PHKA2: variants seen among roughly 807,000 people sequenced by gnomAD.
The protein encoded by PHKA2 is phosphorylase b kinase regulatory subunit alpha, liver isoform.
In PHKA2, 31 loss-of-function variants were observed where a neutral mutation model predicts 102.0. The observed-to-expected ratio is 0.30, with a 90% CI of 0.23 to 0.41. PHKA2 has a LOEUF of 0.41. PHKA2 is among the 10% of genes least tolerant of loss of function. The pLI, the probability that PHKA2 is intolerant of heterozygous loss-of-function variation, is 1.00. For synonymous variants in PHKA2, 455 were observed against 416.2 expected (o/e 1.09, Z -1.13); for missense variants, 858 against 1,023.1 (o/e 0.84, Z 2.20).
At chrX:18,976,906 A>G (rs1438194983) in intron 1 of PHKA2, among the ~76,000 whole-genome samples, 1 of 112,249 alleles carries the variant, frequency 8.9e-6, no homozygotes, top group Non-Finnish European at 1.9e-5. Context: ...TTTATAGTAC[A>G]TTAATTGCTG....
chrX:18,952,225 C>T (rs1485219970), intron 3 of PHKA2, among the ~76,000 whole-genome samples: 1 of 85,830 alleles, frequency 1.2e-5, no homozygotes, highest in African/African-American at 4.4e-5. Flanking sequence ...GTGAATGGTA[C>T]ACACCTCAGG....
At chrX:18,933,930 G>A (rs1361041147) in intron 11 of PHKA2, among the ~76,000 whole-genome samples, 1 of 112,256 alleles carries the variant, frequency 8.9e-6, no homozygotes, top group Non-Finnish European at 1.9e-5. Flanking sequence ...AAAGAAAAGC[G>A]TAGCTCTTAA....
At position 18,965,750 on chromosome X, in the gene PHKA2, A is replaced by G. The variant is rs751733344; in HGVS notation, c.79-11338T>C. 9.7e-4 allele frequency among the ~76,000 whole-genome samples: 108 copies of G among 111,752 alleles called. 1 individual carries two copies. Among genetic ancestry groups the G allele is most frequent in the African/African-American group, 3.4e-3 (104 of 30,750 alleles). On this transcript the variant is annotated intron_variant, in intron 1 of 32. Coordinates refer to ENST00000379942, the MANE Select transcript of PHKA2 (RefSeq NM_000292.3). ...GATCAAGAACCACTTCTCTAGATGT[A>G]TTTTATGAACATTAATTATGTTCTC...
chrX:18,984,079 T>C lies in PHKA2; in HGVS notation c.-147A>G, dbSNP rs1179235292. The C allele has an allele frequency of 2.0e-6, 1 of 506,750 alleles. No homozygotes were observed. 41.8% of individuals were successfully genotyped at this position (506,750 alleles called of 1,213,427 possible). A position where few individuals can be genotyped will look rare whatever the true frequency, so the allele number is the denominator to read the frequency against. On this transcript the variant is annotated 5_prime_UTR_variant, in exon 1 of 33. Transcript: ENST00000379942. ...GACCGGGCCGGAGGAGGTCGAGACT[T>C]TTCTAAACGCTAGCCCCAAAGTCCG...
At chrX:18,909,065 G>A in intron 20 of PHKA2, 131 bp from the exon 21 acceptor site, 1 of 820,974 alleles carries the variant, frequency 1.2e-6, no homozygotes, top group South Asian at 2.1e-5. Context: ...ATGACTTTTT[G>A]TACCTCTTTA....
At chrX:18,921,249 G>C (rs762894934) in intron 17 of PHKA2, among the ~76,000 whole-genome samples, 13 of 111,438 alleles carry the variant, frequency 1.2e-4, no homozygotes, top group African/African-American at 4.2e-4. Context: ...GGCCAACATG[G>C]TGAAACCCCT....
At chrX:18,938,185 G>A (rs1017539152) in intron 10 of PHKA2, among the ~76,000 whole-genome samples, 2 of 112,834 alleles carry the variant, frequency 1.8e-5, no homozygotes, top group Admixed American at 9.3e-5. Flanking sequence ...TGTGTTCTGA[G>A]GGGAAAACAA....
At chrX:18,973,068 T>C (rs2049037814) in intron 1 of PHKA2, among the ~76,000 whole-genome samples, 1 of 110,799 alleles carries the variant, frequency 9.0e-6, no homozygotes, top group Non-Finnish European at 1.9e-5. Flanking sequence ...AGTAGCATGA[T>C]CTTGGCTCAC....
At chrX:18,982,001 C>T (rs1488957914) in intron 1 of PHKA2, among the ~76,000 whole-genome samples, 1 of 112,048 alleles carries the variant, frequency 8.9e-6, no homozygotes, top group Non-Finnish European at 1.9e-5. Context: ...ATCAGCTCTC[C>T]TTAAAGCCCT....
At chrX:18,952,711 T>C (rs1486854029) in intron 2 of PHKA2, among the ~76,000 whole-genome samples, 170 bp from the exon 3 acceptor site, 1 of 112,138 alleles carries the variant, frequency 8.9e-6, no homozygotes, top group Admixed American at 9.4e-5. Flanking sequence ...CACTCCATCA[T>C]AAAGAAAGAA....
chrX:18,957,505 A>G (rs2048797424), intron 1 of PHKA2, among the ~76,000 whole-genome samples: 1 of 111,508 alleles, frequency 9.0e-6, no homozygotes, highest in South Asian at 3.7e-4. Context: ...AGATGTGATC[A>G]TTTTAACCAT....
Position 18,975,967 on chromosome X carries a change from CTTTTTTTT to C in PHKA2, c.78+7880_78+7887del, listed in dbSNP as rs200764030. On this transcript the variant is annotated intron_variant, in intron 1 of 32. Coordinates refer to ENST00000379942, the MANE Select transcript of PHKA2 (RefSeq NM_000292.3). The stretch of plus-strand genomic sequence containing the variant: ...TCTCACTCAGAATAAAAGTCAAATT[CTTTTTTTT>C]TTTTTTTTTTTTTTTTTGAGACAAA... 6.0e-3 allele frequency among the ~76,000 whole-genome samples: 381 copies of C among 62,999 alleles called. 4 individuals are homozygous for C. The highest frequency in any genetic ancestry group is 0.025 in the African/African-American group (360 of 14,440). The allele number at this position is 62,999 out of a possible 115,157, so 54.7% of individuals were successfully genotyped here. A position where few individuals can be genotyped will look rare whatever the true frequency, so the allele number is the denominator to read the frequency against.
chrX:18,951,292 C>G lies in PHKA2; in HGVS notation c.286-20G>C, dbSNP rs989185869. 1.7e-6 allele frequency: 2 copies of G among 1,204,344 alleles called. No individual in the cohort carries two copies. The highest frequency in any genetic ancestry group is 2.3e-6 in the Non-Finnish European group (2 of 888,726). On this transcript the variant is annotated intron_variant, in intron 3 of 32. Coordinates refer to ENST00000379942, the MANE Select transcript of PHKA2 (RefSeq NM_000292.3). ...GGCCACCTGAGGGAGAAGGCAAGCC[C>G]GCTCTGCATAGTTATGGGGGTTCAT...
At position 18,952,536 on chromosome X, in the gene PHKA2, C is replaced by A; in HGVS notation, c.243G>T (p.Val81=). 8.3e-7 allele frequency: 1 copy of A among 1,210,443 alleles called. No individual in the cohort carries two copies. The change falls in exon 3 of 33, where the codon GTG becomes GTT. Residue 81 remains valine (V), a synonymous_variant. Coordinates refer to ENST00000379942, the MANE Select transcript of PHKA2 (RefSeq NM_000292.3). ...KAKAYELEQN[V]VKLMRGLLQC... ...GGAGAAGACCTCGCATCAGCTTCAC[C>A]ACGTTCTGTGGAGATAAAGCAGAAT...
intron 9 of PHKA2, among the ~76,000 whole-genome samples, chrX:18,939,667 G>A (rs1272924843): frequency 9.0e-6 from 1 of 111,416 alleles, no homozygotes; most frequent in Non-Finnish European, 1.9e-5. Flanking sequence ...CTAATTTTTT[G>A]TATTTTTAGT....
intron 29 of PHKA2, chrX:18,897,592 T>C (rs1329484603): frequency 2.6e-6 from 1 of 391,647 alleles, no homozygotes; most frequent in Non-Finnish European, 4.4e-6. Context: ...CTAGAACCCA[T>C]AAGGAGGAGG....
intron 26 of PHKA2, among the ~76,000 whole-genome samples, chrX:18,903,812 A>AC (rs1454619523): frequency 8.9e-6 from 1 of 112,079 alleles, no homozygotes; most frequent in Non-Finnish European, 1.9e-5. Context: ...TGGTAACAGC[A>AC]ATCATTCTAA....
At position 18,897,258 on chromosome X, in the gene PHKA2, G is replaced by T. The variant is rs139136352; in HGVS notation, c.3187C>A (p.Arg1063=). ...CTCCTGCGCAGCCACTGGCCCTGCC[G>T]CTCACCCCAGCCGATGTGATGTCCT... The part of the protein sequence containing the change: ...SGGHHIGWGE[R]QGQWLRRRRL... The change falls in exon 30 of 33, where the codon CGG becomes AGG. Residue 1063 remains arginine, a synonymous_variant. Transcript: ENST00000379942. 471 of 1,208,631 alleles carry T rather than the reference G, an allele frequency of 3.9e-4. 3 individuals are homozygous for T. The highest frequency in any genetic ancestry group is 3.2e-3 in the Admixed American group (148 of 45,795).
intron 30 of PHKA2, chrX:18,896,677 C>CCT (rs1465579604): frequency 5.6e-6 from 1 of 176,997 alleles, no homozygotes; most frequent in African/African-American, 3.0e-5. Context: ...ACTCCAGGCC[C>CCT]CTCCTGAACT....
Sources: gnomAD v4.1 joint callset for allele counts (sites outside exome capture counted in the v4.1 genomes callset) on GRCh38, gnomAD v4.1.1 for gene constraint, MANE v1.5 for transcripts, NCBI Gene and HGNC (gene_info 2026-07-23, HGNC 2026-07-21) for gene names.